RBM46: variants seen among roughly 807,000 people sequenced by gnomAD.
RBM46 encodes the protein probable RNA-binding protein 46.
RBM46 carries 12 observed loss-of-function variants against 43.3 expected under a neutral mutation model. The ratio of observed to expected loss-of-function variants is 0.28; its 90% confidence interval spans 0.18 to 0.45. The LOEUF (loss-of-function observed/expected upper bound fraction) is 0.45, where lower values mean the gene tolerates loss of function less well. Ranked by LOEUF, RBM46 falls within the 20% of genes least tolerant of loss-of-function variation. The pLI is 1.00. For missense variants in RBM46, 412 were observed against 639.1 expected (o/e 0.64, Z 3.83); for synonymous variants, 205 against 207.6 (o/e 0.99, Z 0.11).
intron 4 of RBM46, chr4:154,826,703 G>T: frequency 2.1e-6 from 2 of 966,486 alleles, no homozygotes; most frequent in Non-Finnish European, 3.1e-6. Flanking sequence ...TATAATGCTG[G>T]AAATTAAACC....
At chr4:154,820,918 C>T (rs7676890) in intron 4 of RBM46, among the ~76,000 whole-genome samples, 24,714 of 151,692 alleles carry the variant, frequency 0.16, 2,611 homozygotes, top group East Asian at 0.44. Context: ...ATTATTACCT[C>T]ACAAAGTCTT....
intron 1 of RBM46, chr4:154,781,928 G>A (rs1185346334): frequency 6.6e-6 from 1 of 152,344 alleles, no homozygotes; most frequent in Non-Finnish European, 1.5e-5. Context: ...CGTCCCGACG[G>A]CTGGGTGAGA....
intron 1 of RBM46, among the ~76,000 whole-genome samples, chr4:154,791,407 A>G (rs961315660): frequency 6.6e-6 from 1 of 152,188 alleles, no homozygotes; most frequent in Non-Finnish European, 1.5e-5. Flanking sequence ...CTGTAATTCC[A>G]GCACTTTGAG....
intron 4 of RBM46, chr4:154,827,338 A>C: frequency 1.0e-6 from 1 of 968,736 alleles, no homozygotes; most frequent in South Asian, 4.8e-5. Context: ...TTAAATCAGT[A>C]TGTTGAGTTA....
At chr4:154,794,971 A>G (rs1325917877) in intron 1 of RBM46, among the ~76,000 whole-genome samples, 1 of 151,976 alleles carries the variant, frequency 6.6e-6, no homozygotes, top group Non-Finnish European at 1.5e-5. Flanking sequence ...TTTATTTACT[A>G]ATAATATCCC....
intron 4 of RBM46, among the ~76,000 whole-genome samples, chr4:154,824,922 G>A (rs1735886911): frequency 6.6e-6 from 1 of 151,960 alleles, no homozygotes; most frequent in Non-Finnish European, 1.5e-5. Context: ...TTCTGGATTG[G>A]GGATATGTTT....
chr4:154,827,685 ACT>A (rs1375480247), intron 4 of RBM46, 181 bp from the exon 5 acceptor site: 6 of 1,415,430 alleles, frequency 4.2e-6, no homozygotes, highest in African/African-American at 2.9e-5. Flanking sequence ...TACTGACAAA[ACT>A]CTCAGGATTT....
At chr4:154,811,246 G>A (rs938652154) in intron 4 of RBM46, among the ~76,000 whole-genome samples, 1 of 152,158 alleles carries the variant, frequency 6.6e-6, no homozygotes, top group Non-Finnish European at 1.5e-5. Flanking sequence ...AAGTACTATG[G>A]CATAGCATAT....
intron 4 of RBM46, among the ~76,000 whole-genome samples, chr4:154,804,720 A>G (rs1019602259): frequency 6.6e-6 from 1 of 151,994 alleles, no homozygotes; most frequent in Non-Finnish European, 1.5e-5. Context: ...GAAAATTTTT[A>G]AAACAGGGAT....
At chr4:154,806,032 G>C (rs1734891372) in intron 4 of RBM46, among the ~76,000 whole-genome samples, 5 of 151,756 alleles carry the variant, frequency 3.3e-5, no homozygotes, top group Admixed American at 3.3e-4. Context: ...TTACACATTT[G>C]TTTTCATATG....
Position 154,827,925 on chromosome 4 carries a change from C to T in RBM46, c.1460C>T (p.Ser487Phe), listed in dbSNP as rs141427057. The T allele has an allele frequency of 1.6e-4, 265 of 1,613,976 alleles. No homozygotes were observed. The highest frequency in any genetic ancestry group is 2.2e-4 in the Non-Finnish European group (254 of 1,179,866). ...NSLSPVSATL[S>F]SGTPSVLPYT... ...CTTTCCCCTGTTAGTGCTACCCTCT[C>T]TTCTGGGACTCCCAGCGTGCTTCCT... The change falls in exon 5 of 5, where the codon TCT (serine) becomes TTT (phenylalanine). Residue 487 changes from serine to phenylalanine, a missense_variant. Physicochemically the swap from Ser to Phe is radical, Grantham distance 155 (BLOSUM62 -2). Around this residue, in one of 8 missense-constraint regions of RBM46, gnomAD observed 149 missense variants for 156.3 expected, o/e 0.95. Coordinates refer to ENST00000281722, the MANE Select transcript of RBM46 (RefSeq NM_144979.5).
At chr4:154,798,724 A>ATCTT in intron 3 of RBM46, 58 bp from the exon 4 acceptor site, 1 of 1,264,636 alleles carries the variant, frequency 7.9e-7, no homozygotes, top group Non-Finnish European at 1.0e-6. Context: ...TTTACTGAAC[A>ATCTT]TCTTTACCTT....
intron 4 of RBM46, among the ~76,000 whole-genome samples, chr4:154,801,036 A>T (rs1463076819): frequency 2.0e-5 from 3 of 149,870 alleles, no homozygotes; most frequent in Non-Finnish European, 4.4e-5. Context: ...ACTTGAGTGC[A>T]GTAGCATGAT....
chr4:154,826,747 T>C (rs1735983915), intron 4 of RBM46: 1 of 1,376,584 alleles, frequency 7.3e-7, no homozygotes, highest in Non-Finnish European at 9.8e-7. Flanking sequence ...TCCTTTTTTT[T>C]TTTTTTTTTT....
chr4:154,828,740 T>C lies in RBM46; in HGVS notation c.*673T>C, dbSNP rs2111234529. 6.5e-6 allele frequency: 1 copy of C among 152,746 alleles called. No individual in the cohort carries two copies. Among genetic ancestry groups the C allele is most frequent in the Admixed American group, 6.5e-5 (1 of 15,294 alleles). 9.5% of individuals were successfully genotyped at this position (152,746 alleles called of 1,614,324 possible). A position where few individuals can be genotyped will look rare whatever the true frequency, so the allele number is the denominator to read the frequency against. ...TTGTTAATAACAAGTGTTATGGGTT[T>C]TTAATGTTGAAATCATGTGTTAATT... On this transcript the variant is annotated 3_prime_UTR_variant, in exon 5 of 5. Coordinates refer to ENST00000281722, the MANE Select transcript of RBM46 (RefSeq NM_144979.5).
chr4:154,800,329 C>A (rs915498410), intron 4 of RBM46, among the ~76,000 whole-genome samples: 2 of 152,136 alleles, frequency 1.3e-5, no homozygotes, highest in African/African-American at 2.4e-5. Flanking sequence ...TCAGATGGGT[C>A]GTGTGTAGAC....
intron 4 of RBM46, among the ~76,000 whole-genome samples, chr4:154,808,824 T>A (rs1735039621): frequency 6.6e-6 from 1 of 152,050 alleles, no homozygotes; most frequent in South Asian, 2.1e-4. Flanking sequence ...AGAATAAGAA[T>A]CCCTTAAGGG....
intron 4 of RBM46, among the ~76,000 whole-genome samples, chr4:154,813,613 T>C (rs1201032735): frequency 6.6e-6 from 1 of 152,098 alleles, no homozygotes; most frequent in Non-Finnish European, 1.5e-5. Context: ...TCTATAACGT[T>C]TGATCAAGGC....
intron 4 of RBM46, among the ~76,000 whole-genome samples, chr4:154,814,375 A>G (rs964035562): frequency 2.0e-5 from 3 of 152,072 alleles, no homozygotes; most frequent in African/African-American, 7.2e-5. Flanking sequence ...TTAAAAAGGA[A>G]TGACACAAAT....
Sources: allele counts gnomAD v4.1 joint callset (sites outside exome capture counted in the v4.1 genomes callset), GRCh38; gene constraint gnomAD v4.1.1; regional missense constraint gnomAD v4.1.1; transcripts MANE v1.5; gene names NCBI Gene and HGNC (gene_info 2026-07-23, HGNC 2026-07-21).